Variants in SEMA6D observed in about 807,000 individuals in gnomAD.
SEMA6D encodes semaphorin 6D.
In SEMA6D, 35 loss-of-function variants were observed where a neutral mutation model predicts 106.6. The ratio of observed to expected loss-of-function variants is 0.33; its 90% CI spans 0.25 to 0.44. The LOEUF is 0.44. SEMA6D is among the 20% of genes least tolerant of loss of function. The pLI, the probability that SEMA6D is intolerant of heterozygous loss-of-function variation, is 1.00. For synonymous variants in SEMA6D, 499 were observed against 487.7 expected (o/e 1.02, Z -0.31); for missense variants, 1,185 against 1,345.9 (o/e 0.88, Z 1.87).
At position 47,188,733 on chromosome 15, in the gene SEMA6D, A is replaced by G. The variant is rs1393733173; in HGVS notation, c.-239+4315A>G. ...TTCTTTTTCAATTGTGGAAGAAGGC[A>G]GATCATCAAAGTTGTTATGAATAAG... On this transcript the variant is annotated intron_variant, in intron 1 of 19. Transcript: ENST00000558014. Among the ~76,000 whole-genome samples the G allele has an allele frequency of 9.2e-5, 14 of 152,334 alleles. No homozygotes were observed. In the East Asian group the frequency reaches 2.7e-3, roughly 29 times the overall value.
intron 3 of SEMA6D, among the ~76,000 whole-genome samples, chr15:47,598,724 A>T (rs2076584732): frequency 6.6e-6 from 1 of 152,158 alleles, no homozygotes; most frequent in South Asian, 2.1e-4. Context: ...ATTAGAGTGT[A>T]TGTCACCTAA....
intron 1 of SEMA6D, among the ~76,000 whole-genome samples, chr15:47,229,314 A>T (rs1427430323): frequency 6.6e-6 from 1 of 151,868 alleles, no homozygotes; most frequent in East Asian, 1.9e-4. Context: ...ATCAGATGCT[A>T]TTTCTTTGTC....
At chr15:47,511,195 G>A (rs902288343) in intron 3 of SEMA6D, among the ~76,000 whole-genome samples, 1 of 152,182 alleles carries the variant, frequency 6.6e-6, no homozygotes, top group African/African-American at 2.4e-5. Context: ...AATTGTGAAG[G>A]AGGTGGAGTT....
intron 3 of SEMA6D, among the ~76,000 whole-genome samples, chr15:47,471,923 TCTCTCTCTCACACA>T (rs1237161619): frequency 4.6e-5 from 6 of 129,910 alleles, no homozygotes; most frequent in South Asian, 5.4e-4. Context: ...TCTCTCTCTC[TCTCTCTCTCACACA>T]CACACACACA....
At chr15:47,634,390 G>A (rs184147926) in intron 4 of SEMA6D, among the ~76,000 whole-genome samples, 14 of 152,266 alleles carry the variant, frequency 9.2e-5, no homozygotes, top group Admixed American at 8.5e-4. Flanking sequence ...CCACCTGGGA[G>A]AAGGAGGAGG....
intron 1 of SEMA6D, among the ~76,000 whole-genome samples, chr15:47,348,732 A>AGAGAGATC (rs1402599663): frequency 2.0e-5 from 1 of 50,162 alleles, no homozygotes; most frequent in African/African-American, 3.7e-5. Flanking sequence ...ACACACAGAG[A>AGAGAGATC]GAGAGAGAGA....
chr15:47,450,399 TAAC>T (rs1340219650), intron 2 of SEMA6D, among the ~76,000 whole-genome samples: 1 of 152,038 alleles, frequency 6.6e-6, no homozygotes, highest in African/African-American at 2.4e-5. Context: ...CCTGGGGCCT[TAAC>T]AAACTCACCT....
intron 3 of SEMA6D, among the ~76,000 whole-genome samples, chr15:47,562,651 A>G (rs1472886255): frequency 1.3e-5 from 2 of 152,106 alleles, no homozygotes; most frequent in Non-Finnish European, 2.9e-5. Flanking sequence ...TCACAAAGAG[A>G]TACACGCTAG....
At position 47,588,085 on chromosome 15, in the gene SEMA6D, A is replaced by T. The variant is rs546975790; in HGVS notation, c.-86-12780A>T. ...GACACTCATAGAAAGACTGAGCAGA[A>T]AGGGCCTTTTCTCACTGGCTCCCTC... On this transcript the variant is annotated intron_variant, in intron 3 of 19. Transcript: ENST00000558014. Among the ~76,000 whole-genome samples the T allele has an allele frequency of 1.6e-4, 24 of 152,246 alleles. No homozygotes were observed. The South Asian group carries it at 4.6e-3, about 29-fold the overall frequency.
At chr15:47,565,065 C>T (rs778761226) in intron 3 of SEMA6D, among the ~76,000 whole-genome samples, 5 of 152,146 alleles carry the variant, frequency 3.3e-5, no homozygotes, top group Non-Finnish European at 7.3e-5. Flanking sequence ...TTTCATGTGA[C>T]CTCATTTTTC....
At chr15:47,338,475 C>T (rs966203092) in intron 1 of SEMA6D, among the ~76,000 whole-genome samples, 9 of 152,100 alleles carry the variant, frequency 5.9e-5, no homozygotes, top group African/African-American at 1.9e-4. Flanking sequence ...CAAAACATCT[C>T]ATGTACCTCA....
rs927454071 is a variant in SEMA6D, at chr15:47,645,157, T to C, written c.-55+44261T>C. ...TCTGTTTCGTTGCTGGCAACCTTGA[T>C]GATCCACAGAGGGATAAAGGAAGTT... On this transcript the variant is annotated intron_variant, in intron 4 of 19. Coordinates refer to the SEMA6D transcript ENST00000558014. Among the ~76,000 whole-genome samples the C allele has an allele frequency of 1.3e-4, 20 of 152,300 alleles. No homozygotes were observed. The Middle Eastern group carries it at 0.01, about 78-fold the overall frequency.
chr15:47,415,231 A>G (rs897105458), intron 2 of SEMA6D, among the ~76,000 whole-genome samples: 4 of 152,192 alleles, frequency 2.6e-5, no homozygotes, highest in Admixed American at 6.5e-5. Flanking sequence ...AAATGCAATC[A>G]TTATAACTTT....
chr15:47,592,121 A>G (rs996318105), intron 3 of SEMA6D, among the ~76,000 whole-genome samples: 1 of 152,200 alleles, frequency 6.6e-6, no homozygotes, highest in Non-Finnish European at 1.5e-5. Flanking sequence ...AGCGAACTAG[A>G]TGTTATTTCT....
At chr15:47,723,241 T>C (rs2079527506) in intron 1 of SEMA6D, among the ~76,000 whole-genome samples, 1 of 152,214 alleles carries the variant, frequency 6.6e-6, no homozygotes, top group Non-Finnish European at 1.5e-5. Flanking sequence ...TCATTTTTTA[T>C]TTCCATTGGC....
chr15:47,743,019 T>G (rs2080908379), intron 1 of SEMA6D, among the ~76,000 whole-genome samples: 2 of 152,226 alleles, frequency 1.3e-5, no homozygotes. Flanking sequence ...CAACATTCTT[T>G]TTTCTCTATG....
intron 3 of SEMA6D, among the ~76,000 whole-genome samples, chr15:47,498,118 T>C (rs1317466486): frequency 6.6e-6 from 1 of 152,184 alleles, no homozygotes; most frequent in Non-Finnish European, 1.5e-5. Context: ...AATCATTGTT[T>C]TCAGACTTTG....
At chr15:47,755,477 G>A (rs1221675147) in intron 1 of SEMA6D, among the ~76,000 whole-genome samples, 1 of 152,128 alleles carries the variant, frequency 6.6e-6, no homozygotes, top group Non-Finnish European at 1.5e-5. Context: ...GTTGGGCAAT[G>A]TATGTAAATA....
chr15:47,465,960 T>C (rs1171088739), intron 2 of SEMA6D, among the ~76,000 whole-genome samples: 1 of 152,174 alleles, frequency 6.6e-6, no homozygotes, highest in African/African-American at 2.4e-5. Flanking sequence ...ATGTTCATAT[T>C]TGTAACTTTT....
Sources: gnomAD v4.1 joint callset for allele counts (sites outside exome capture counted in the v4.1 genomes callset) on GRCh38, gnomAD v4.1.1 for gene constraint, MANE v1.5 for transcripts, NCBI Gene and HGNC (gene_info 2026-07-23, HGNC 2026-07-21) for gene names.